EBF1: variants seen among roughly 807,000 people sequenced by gnomAD.
EBF1 encodes EBF transcription factor 1.
EBF1 carries 10 observed loss-of-function variants against 68.4 expected under a neutral mutation model. That is an observed-to-expected ratio of 0.15 (90% confidence interval 0.09 to 0.25). The LOEUF is 0.25. Among genes scored for constraint, EBF1 ranks in the 10% least tolerant of loss-of-function variants. The pLI is 1.00. For missense variants in EBF1, 509 were observed against 794.4 expected (o/e 0.64, Z 4.32); for synonymous variants, 298 against 299.8 (o/e 0.99, Z 0.06).
intron 6 of EBF1, among the ~76,000 whole-genome samples, chr5:158,913,372 G>T (rs773576812): frequency 5.3e-5 from 8 of 152,232 alleles, no homozygotes; most frequent in Non-Finnish European, 1.2e-4. Flanking sequence ...TGGAGGAAAA[G>T]ACGTTCCACA....
intron 11 of EBF1, among the ~76,000 whole-genome samples, chr5:158,717,717 G>A (rs1761059214): frequency 1.3e-5 from 2 of 151,896 alleles, no homozygotes; most frequent in East Asian, 1.9e-4. Flanking sequence ...TCTCCTTGTA[G>A]AGGTAATGTT....
At chr5:158,820,830 G>A (rs542231062) in intron 8 of EBF1, among the ~76,000 whole-genome samples, 3 of 152,252 alleles carry the variant, frequency 2.0e-5, no homozygotes, top group Admixed American at 6.5e-5. Context: ...CTTAGAAGAG[G>A]GAATATCTGA....
At chr5:158,854,838 C>A (rs1327637975) in intron 6 of EBF1, among the ~76,000 whole-genome samples, 1 of 152,180 alleles carries the variant, frequency 6.6e-6, no homozygotes, top group African/African-American at 2.4e-5. Context: ...GGGAATCACT[C>A]CCATTTTCAC....
chr5:158,967,566 G>T (rs1754427045), intron 6 of EBF1, among the ~76,000 whole-genome samples: 1 of 152,160 alleles, frequency 6.6e-6, no homozygotes, highest in Non-Finnish European at 1.5e-5. Context: ...AGAGGGCAGA[G>T]AGTTATGTAG....
chr5:158,866,997 C>T (rs978370242), intron 6 of EBF1, among the ~76,000 whole-genome samples: 1 of 151,396 alleles, frequency 6.6e-6, no homozygotes, highest in African/African-American at 2.4e-5. Context: ...AAATATGATG[C>T]ATAATTTTTC....
chr5:158,880,002 T>C lies in EBF1; in HGVS notation c.555-39892A>G, dbSNP rs543117496. Reference sequence around the variant, plus strand: ...ACACACACAGAGATGGAAGTGCAGATGGGTTAAAGGACTAGCCCCAAATCA... The same window carrying C: ...ACACACACAGAGATGGAAGTGCAGACGGGTTAAAGGACTAGCCCCAAATCA... On this transcript the variant is annotated intron_variant, in intron 6 of 15. Transcript: ENST00000313708. Among the ~76,000 whole-genome samples, 22 of 152,296 alleles carry C rather than the reference T, an allele frequency of 1.4e-4. No individual in the cohort carries two copies. The East Asian group carries it at 2.3e-3, about 16-fold the overall frequency.
At chr5:159,071,754 C>A (rs1364162796) in intron 6 of EBF1, among the ~76,000 whole-genome samples, 2 of 151,050 alleles carry the variant, frequency 1.3e-5, no homozygotes, top group Admixed American at 6.6e-5. Context: ...AAAAAAAAGT[C>A]TTTTCATTGA....
intron 10 of EBF1, among the ~76,000 whole-genome samples, chr5:158,753,544 C>T (rs977033161): frequency 1.3e-5 from 2 of 152,066 alleles, no homozygotes; most frequent in Non-Finnish European, 2.9e-5. Context: ...CATGAAGTGT[C>T]TCGACCACAC....
At chr5:158,848,382 C>T (rs557149966) in intron 6 of EBF1, among the ~76,000 whole-genome samples, 1 of 152,314 alleles carries the variant, frequency 6.6e-6, no homozygotes, top group African/African-American at 2.4e-5. Flanking sequence ...AATCATTTCA[C>T]TAGAAATGCC....
At chr5:158,888,266 G>T (rs964770588) in intron 6 of EBF1, among the ~76,000 whole-genome samples, 5 of 152,016 alleles carry the variant, frequency 3.3e-5, no homozygotes, top group African/African-American at 1.2e-4. Flanking sequence ...GTGTGTGTGT[G>T]TGTGCGTGCG....
rs60420407 is a variant in EBF1 at position 158,854,666 on chromosome 5, C to T, written c.555-14556G>A. Reference sequence around the variant, plus strand: ...CATGCAGGAAACAAAACAACTGACTCGGTGCCTTCCTCCTTGCTTCTAAAG... The same window carrying T: ...CATGCAGGAAACAAAACAACTGACTTGGTGCCTTCCTCCTTGCTTCTAAAG... On this transcript the variant is annotated intron_variant, in intron 6 of 15. Coordinates refer to ENST00000313708, the MANE Select transcript of EBF1 (RefSeq NM_024007.5). 4.7e-3 allele frequency among the ~76,000 whole-genome samples: 719 copies of T among 152,320 alleles called. 8 individuals carry two copies. Among genetic ancestry groups the T allele is most frequent in the African/African-American group, 0.017 (688 of 41,546 alleles).
chr5:158,957,808 C>T (rs1029329725), intron 6 of EBF1, among the ~76,000 whole-genome samples: 7 of 152,200 alleles, frequency 4.6e-5, no homozygotes, highest in African/African-American at 1.7e-4. Flanking sequence ...GGCAAACAGC[C>T]AATACCCCTA....
intron 6 of EBF1, among the ~76,000 whole-genome samples, chr5:158,968,546 G>A (rs1054141029): frequency 6.6e-6 from 1 of 152,186 alleles, no homozygotes; most frequent in Admixed American, 6.5e-5. Flanking sequence ...AGTGGAACAG[G>A]CATTTTTGGA....
At chr5:159,004,492 T>C (rs1408341267) in intron 6 of EBF1, among the ~76,000 whole-genome samples, 1 of 152,124 alleles carries the variant, frequency 6.6e-6, no homozygotes, top group Non-Finnish European at 1.5e-5. Flanking sequence ...CAGAACACTA[T>C]CATTTTGCTA....
intron 6 of EBF1, among the ~76,000 whole-genome samples, chr5:158,874,255 C>T (rs1405415034): frequency 6.6e-6 from 1 of 152,078 alleles, no homozygotes; most frequent in Non-Finnish European, 1.5e-5. Context: ...ATTAAATGGA[C>T]TTTTGCAACT....
chr5:158,796,063 A>G (rs1779561319), intron 9 of EBF1, among the ~76,000 whole-genome samples: 1 of 152,146 alleles, frequency 6.6e-6, no homozygotes, highest in South Asian at 2.1e-4. Context: ...AATTCCCAAC[A>G]TACAATAGGA....
intron 8 of EBF1, among the ~76,000 whole-genome samples, chr5:158,815,376 A>G (rs1783506598): frequency 6.6e-6 from 1 of 152,180 alleles, no homozygotes; most frequent in Admixed American, 6.6e-5. Flanking sequence ...GATTCTTTCT[A>G]AACCTCAGTT....
At chr5:158,855,061 A>G (rs1026513944) in intron 6 of EBF1, among the ~76,000 whole-genome samples, 4 of 152,226 alleles carry the variant, frequency 2.6e-5, no homozygotes, top group Admixed American at 6.5e-5. Context: ...TGTTCATAAC[A>G]GAGAGCAAAA....
intron 10 of EBF1, among the ~76,000 whole-genome samples, chr5:158,734,946 A>T (rs1402356778): frequency 6.6e-6 from 1 of 152,180 alleles, no homozygotes; most frequent in East Asian, 1.9e-4. Flanking sequence ...AGAATCCATT[A>T]TCCCAAATAG....
Sources: allele counts gnomAD v4.1 joint callset (sites outside exome capture counted in the v4.1 genomes callset), GRCh38; gene constraint gnomAD v4.1.1; transcripts MANE v1.5; gene names NCBI Gene and HGNC (gene_info 2026-07-23, HGNC 2026-07-21).